GPC6: variants seen among roughly 807,000 people sequenced by gnomAD.
GPC6 encodes the protein glypican 6.
A neutral mutation model predicts 55.2 loss-of-function variants in GPC6; 14 were observed. That is an observed-to-expected ratio of 0.25 (90% confidence interval 0.17 to 0.40). The LOEUF (loss-of-function observed/expected upper bound fraction) is 0.40. GPC6 is among the 10% of genes least tolerant of loss of function. The probability of loss-of-function intolerance (pLI) is 1.00; values close to 1 mark genes in which losing one functional copy is unlikely to be tolerated. For synonymous variants in GPC6, 278 were observed against 259.6 expected, an observed-to-expected ratio of 1.07 and a Z score of -0.68; for missense variants, 641 against 708.5, an observed-to-expected ratio of 0.90 and a Z score of 1.08.
intron 6 of GPC6, among the ~76,000 whole-genome samples, chr13:94,354,546 G>T (rs1364894030): frequency 6.6e-6 from 1 of 152,222 alleles, no homozygotes; most frequent in Non-Finnish European, 1.5e-5. Flanking sequence ...CCAATGCTAT[G>T]TGTAGCACAA....
chr13:94,186,470 T>C (rs1170737058), intron 4 of GPC6, among the ~76,000 whole-genome samples: 1 of 152,058 alleles, frequency 6.6e-6, no homozygotes, highest in Non-Finnish European at 1.5e-5. Flanking sequence ...AAGTACTTAA[T>C]TTTTTTTCTA....
intron 3 of GPC6, among the ~76,000 whole-genome samples, chr13:94,014,104 C>T (rs575422938): frequency 6.6e-6 from 1 of 152,228 alleles, no homozygotes; most frequent in South Asian, 2.1e-4. Context: ...CCTGTCTTAT[C>T]CTTGTTCTCT....
intron 1 of GPC6, among the ~76,000 whole-genome samples, chr13:93,238,080 T>G (rs1404086845): frequency 6.6e-6 from 1 of 152,150 alleles, no homozygotes; most frequent in Non-Finnish European, 1.5e-5. Flanking sequence ...ATTTTGGGAT[T>G]GCTTTTTCTA....
intron 1 of GPC6, among the ~76,000 whole-genome samples, chr13:93,436,456 A>G (rs1245196191): frequency 6.6e-6 from 1 of 152,110 alleles, no homozygotes; most frequent in Non-Finnish European, 1.5e-5. Context: ...ACTTTTTTAT[A>G]CGGATGGTTA....
chr13:94,059,877 T>C (rs781042226), intron 4 of GPC6, among the ~76,000 whole-genome samples: 1 of 151,904 alleles, frequency 6.6e-6, no homozygotes, highest in African/African-American at 2.4e-5. Flanking sequence ...TGGGGTTTCA[T>C]TTTCAATATT....
intron 5 of GPC6, among the ~76,000 whole-genome samples, chr13:94,289,296 C>T (rs976996794): frequency 2.0e-5 from 3 of 152,026 alleles, no homozygotes; most frequent in African/African-American, 7.2e-5. Flanking sequence ...ACTGTTTGTC[C>T]TCAACCAGTT....
intron 2 of GPC6, among the ~76,000 whole-genome samples, chr13:93,590,388 T>C (rs1566438830): frequency 6.6e-6 from 1 of 152,150 alleles, no homozygotes. Context: ...CTCTTTTGCA[T>C]GTAAAAAGAG....
chr13:94,173,246 C>A (rs1287041934), intron 4 of GPC6, among the ~76,000 whole-genome samples: 2 of 152,074 alleles, frequency 1.3e-5, no homozygotes, highest in South Asian at 2.1e-4. Flanking sequence ...AAGAATGGCA[C>A]AAGAAATTGC....
intron 1 of GPC6, among the ~76,000 whole-genome samples, chr13:93,338,031 T>A (rs981795278): frequency 6.6e-6 from 1 of 152,326 alleles, no homozygotes; most frequent in East Asian, 1.9e-4. Context: ...CCCTTTTTTG[T>A]TTGTTCATTT....
At chr13:94,308,784 G>A (rs1168066708) in intron 6 of GPC6, among the ~76,000 whole-genome samples, 1 of 152,202 alleles carries the variant, frequency 6.6e-6, no homozygotes, top group Non-Finnish European at 1.5e-5. Context: ...CACTGTTTGC[G>A]CATCAAACGG....
At chr13:93,622,810 A>G (rs1879014473) in intron 2 of GPC6, among the ~76,000 whole-genome samples, 1 of 152,166 alleles carries the variant, frequency 6.6e-6, no homozygotes, top group Admixed American at 6.5e-5. Flanking sequence ...ATACCACATT[A>G]TTAACTACAG....
intron 1 of GPC6, among the ~76,000 whole-genome samples, chr13:93,367,311 A>AT (rs1881286783): frequency 6.6e-6 from 1 of 152,162 alleles, no homozygotes; most frequent in African/African-American, 2.4e-5. Flanking sequence ...CCCTAGTTTC[A>AT]TTTTTGGCAT....
At chr13:93,480,452 A>G (rs1377531222) in intron 1 of GPC6, among the ~76,000 whole-genome samples, 1 of 152,196 alleles carries the variant, frequency 6.6e-6, no homozygotes, top group African/African-American at 2.4e-5. Flanking sequence ...AAAACCAGGT[A>G]GGGGGACAAG....
intron 2 of GPC6, among the ~76,000 whole-genome samples, chr13:93,738,936 TACACACACACACACAC>T (rs56928879): frequency 2.7e-4 from 40 of 145,574 alleles, no homozygotes; most frequent in East Asian, 8.0e-4. Context: ...CACTTGGTTT[TACACACACACACACAC>T]ACACACACAC....
At chr13:93,734,341 G>A (rs531683553) in intron 2 of GPC6, among the ~76,000 whole-genome samples, 1 of 152,204 alleles carries the variant, frequency 6.6e-6, no homozygotes, top group Admixed American at 6.5e-5. Context: ...TCACAATGAC[G>A]TTAGCACATC....
chr13:94,387,764 C>CTCTCTCTG (rs1491569523), intron 7 of GPC6, among the ~76,000 whole-genome samples: 7 of 108,962 alleles, frequency 6.4e-5, no homozygotes, highest in African/African-American at 2.8e-4. Flanking sequence ...CTCTCTCTCT[C>CTCTCTCTG]TGCCGTGTGA....
intron 2 of GPC6, among the ~76,000 whole-genome samples, chr13:93,557,501 G>A (rs1217727196): frequency 1.3e-5 from 2 of 152,182 alleles, no homozygotes; most frequent in African/African-American, 2.4e-5. Flanking sequence ...AATAAGAACT[G>A]TTTAAAATGT....
At chr13:94,368,598 A>G (rs9524463) in intron 6 of GPC6, among the ~76,000 whole-genome samples, 16,849 of 152,220 alleles carry the variant, frequency 0.11, 1,147 homozygotes, top group East Asian at 0.32. Context: ...TATGGATTAC[A>G]TCCTCTAAGA....
At position 93,683,864 on chromosome 13, in the gene GPC6, A is replaced by G. The variant is rs75088956; in HGVS notation, c.319+138443A>G. Among the ~76,000 whole-genome samples the G allele has an allele frequency of 8.6e-3, 1,315 of 152,256 alleles. 36 individuals carry two copies. The highest frequency in any genetic ancestry group is 0.03 in the African/African-American group (1,246 of 41,544). Reference sequence around the variant, plus strand: ...CTTATGTCTCACAGTTCTGGAGGCTAGAAGTCTAAGATCAGGGTGTCAGCA... The same window carrying G: ...CTTATGTCTCACAGTTCTGGAGGCTGGAAGTCTAAGATCAGGGTGTCAGCA... On this transcript the variant is annotated intron_variant, in intron 2 of 8. Coordinates refer to ENST00000377047, the MANE Select transcript of GPC6 (RefSeq NM_005708.5).
Sources: allele counts gnomAD v4.1 joint callset (sites outside exome capture counted in the v4.1 genomes callset), GRCh38; gene constraint gnomAD v4.1.1; transcripts MANE v1.5; gene names NCBI Gene and HGNC (gene_info 2026-07-23, HGNC 2026-07-21).